The following INVS variants were observed in gnomAD, a reference collection of about 807,000 sequenced individuals.
INVS encodes inversin, also known as inversion of embryo turning homolog.
In INVS, 86 loss-of-function variants were observed where a neutral mutation model predicts 108.8. The ratio of observed to expected loss-of-function variants is 0.79; its 90% CI spans 0.66 to 0.95. The LOEUF (loss-of-function observed/expected upper bound fraction) is 0.95. Ranked by LOEUF, INVS falls within the 40% of genes least tolerant of loss-of-function variation. INVS has a pLI of 0.00. For missense variants in INVS, 1,169 were observed against 1,297.4 expected (o/e 0.90, Z 1.52); for synonymous variants, 455 against 473.5 (o/e 0.96, Z 0.51).
chr9:100,145,790 A>T (rs1828588672), intron 3 of INVS, among the ~76,000 whole-genome samples: 1 of 152,132 alleles, frequency 6.6e-6, no homozygotes, highest in Non-Finnish European at 1.5e-5. Flanking sequence ...CTAGTCTGTG[A>T]CCAGCGCCGG....
intron 3 of INVS, among the ~76,000 whole-genome samples, chr9:100,142,149 C>T (rs1370806318): frequency 1.3e-5 from 2 of 152,096 alleles, no homozygotes; most frequent in South Asian, 2.1e-4. Flanking sequence ...GGAAGTTAAG[C>T]GGCGTTGAGA....
intron 2 of INVS, among the ~76,000 whole-genome samples, chr9:100,115,654 A>G (rs1827491692): frequency 6.6e-6 from 1 of 152,226 alleles, no homozygotes. Context: ...ATAGTATTCC[A>G]TGGTGTATAT....
At chr9:100,233,338 C>T (rs1831572891) in intron 5 of INVS, among the ~76,000 whole-genome samples, 1 of 152,178 alleles carries the variant, frequency 6.6e-6, no homozygotes, top group South Asian at 2.1e-4. Context: ...TTGACTTCCT[C>T]TCTTCCTGTT....
At chr9:100,248,740 A>G (rs1443547637) in intron 8 of INVS, among the ~76,000 whole-genome samples, 1 of 152,054 alleles carries the variant, frequency 6.6e-6, no homozygotes, top group South Asian at 2.1e-4. Flanking sequence ...GTCTCTGTAA[A>G]TCACATTTCC....
chr9:100,104,316 T>TG (rs1827101744), intron 1 of INVS, among the ~76,000 whole-genome samples, 182 bp from the exon 2 acceptor site: 1 of 152,224 alleles, frequency 6.6e-6, no homozygotes, highest in Admixed American at 6.5e-5. Context: ...CCTCCTGCGT[T>TG]GGCCTTCCAA....
chr9:100,130,017 T>C, intron 3 of INVS: 1 of 284,876 alleles, frequency 3.5e-6, no homozygotes, highest in Non-Finnish European at 6.5e-6. Context: ...AGAAACCTAG[T>C]ATTAAACAAC....
intron 3 of INVS, among the ~76,000 whole-genome samples, chr9:100,139,085 A>G (rs1388079913): frequency 3.3e-5 from 5 of 152,140 alleles, no homozygotes; most frequent in South Asian, 4.1e-4. Context: ...TTTTACAAAC[A>G]TATTTTGTGC....
At chr9:100,198,481 G>C (rs1830447917) in intron 3 of INVS, among the ~76,000 whole-genome samples, 1 of 150,788 alleles carries the variant, frequency 6.6e-6, no homozygotes, top group African/African-American at 2.4e-5. Flanking sequence ...AATAGAGACG[G>C]GGTTTCTCCA....
At chr9:100,244,560 CAATAATAT>C (rs1831982675) in intron 7 of INVS, among the ~76,000 whole-genome samples, 2 of 152,028 alleles carry the variant, frequency 1.3e-5, no homozygotes, top group South Asian at 2.1e-4. Flanking sequence ...TATAATGACT[CAATAATAT>C]AATAATATAA....
chr9:100,174,808 A>G (rs899527386), intron 3 of INVS, among the ~76,000 whole-genome samples: 1 of 152,130 alleles, frequency 6.6e-6, no homozygotes, highest in Non-Finnish European at 1.5e-5. Context: ...GCTACTCGGG[A>G]GGCTGAGGCA....
chr9:100,294,195 C>T (rs527529923), intron 14 of INVS, among the ~76,000 whole-genome samples: 93 of 152,166 alleles, frequency 6.1e-4, no homozygotes, highest in African/African-American at 1.5e-3. Context: ...GAAGTTATGT[C>T]GCCGCCATCA....
At chr9:100,241,015 A>G (rs535228584) in intron 6 of INVS, among the ~76,000 whole-genome samples, 1 of 152,282 alleles carries the variant, frequency 6.6e-6, no homozygotes, top group East Asian at 1.9e-4. Context: ...AAATGCATCT[A>G]TTGATTCCCA....
intron 10 of INVS, among the ~76,000 whole-genome samples, chr9:100,257,462 G>A (rs1288606169): frequency 6.6e-6 from 1 of 152,134 alleles, no homozygotes; most frequent in Non-Finnish European, 1.5e-5. Flanking sequence ...GATGTTAGCT[G>A]GTTATTTTGC....
At chr9:100,290,317 A>C (rs76747231) in intron 13 of INVS, among the ~76,000 whole-genome samples, 2,311 of 152,298 alleles carry the variant, frequency 0.015, 21 homozygotes, top group Middle Eastern at 0.024. Context: ...TCTTTTTCAC[A>C]AATGAGCAGA....
intron 5 of INVS, among the ~76,000 whole-genome samples, chr9:100,236,541 G>T (rs767248013): frequency 5.9e-5 from 9 of 152,158 alleles, no homozygotes; most frequent in Non-Finnish European, 1.3e-4. Flanking sequence ...TGGGATTTTT[G>T]TGTGGGTGTC....
intron 5 of INVS, among the ~76,000 whole-genome samples, chr9:100,236,345 GTCT>G (rs771047250): frequency 2.6e-5 from 4 of 152,290 alleles, no homozygotes; most frequent in Non-Finnish European, 5.9e-5. Context: ...ACCTTCTGAA[GTCT>G]TCTTCTGTCA....
Position 100,117,750 on chromosome 9 carries a change from T to C in INVS, c.107-8633T>C. Reference sequence around the variant, plus strand: ...ATATATGGTGCTATTATGGACTGAATATTTGTATTCCTCCAAAATTCATAT... The same window carrying C: ...ATATATGGTGCTATTATGGACTGAACATTTGTATTCCTCCAAAATTCATAT... On this transcript the variant is annotated intron_variant, in intron 2 of 16. Transcript: ENST00000262457. 7.8e-6 allele frequency: 4 copies of C among 515,156 alleles called. No individual in the cohort carries two copies. The East Asian group carries it at 1.3e-4, about 17-fold the overall frequency. The allele number at this position is 515,156 out of a possible 1,614,324, so 31.9% of individuals were successfully genotyped here.
At chr9:100,214,712 A>AT in intron 3 of INVS, among the ~76,000 whole-genome samples, 1 of 152,360 alleles carries the variant, frequency 6.6e-6, no homozygotes, top group Admixed American at 6.5e-5. Context: ...AGAACCACCA[A>AT]TGCCCATGTG....
intron 3 of INVS, among the ~76,000 whole-genome samples, chr9:100,198,346 G>A (rs1287907821): frequency 8.2e-6 from 1 of 121,266 alleles, no homozygotes; most frequent in African/African-American, 3.2e-5. Context: ...TGTGCAGGCT[G>A]GAGTGCAACG....
Sources: allele counts gnomAD v4.1 joint callset (sites outside exome capture counted in the v4.1 genomes callset), GRCh38; gene constraint gnomAD v4.1.1; transcripts MANE v1.5; gene names NCBI Gene and HGNC (gene_info 2026-07-23, HGNC 2026-07-21).